PUM2: variants seen among roughly 807,000 people sequenced by gnomAD.
PUM2 encodes pumilio RNA binding family member 2.
A neutral mutation model predicts 124.5 loss-of-function variants in PUM2; 57 were observed. That is an observed-to-expected ratio of 0.46 (90% CI 0.37 to 0.57). The LOEUF (loss-of-function observed/expected upper bound fraction) is 0.57, where lower values mean the gene tolerates loss of function less well. PUM2 is among the 20% of genes least tolerant of loss of function. PUM2 has a pLI of 0.00. For synonymous variants in PUM2, 460 were observed against 446.1 expected (o/e 1.03, Z -0.39); for missense variants, 1,065 against 1,290.6 (o/e 0.83, Z 2.68).
At chr2:20,288,410 G>A (rs1673213939) in intron 10 of PUM2, among the ~76,000 whole-genome samples, 2 of 152,218 alleles carry the variant, frequency 1.3e-5, no homozygotes, top group Non-Finnish European at 1.5e-5. Flanking sequence ...TTATATTAGA[G>A]ATACTGCAAA....
At chr2:20,347,557 C>G (rs1055916784) in intron 1 of PUM2, among the ~76,000 whole-genome samples, 2 of 152,208 alleles carry the variant, frequency 1.3e-5, no homozygotes, top group African/African-American at 4.8e-5. Context: ...TAAATAAAAA[C>G]TGTCTCCTGT....
chr2:20,315,760 C>T (rs959067718), intron 3 of PUM2, among the ~76,000 whole-genome samples: 6 of 142,038 alleles, frequency 4.2e-5, no homozygotes, highest in Non-Finnish European at 7.5e-5. Context: ...CAGGGGTTTG[C>T]GACAAGCCTC....
At chr2:20,277,757 T>TAA (rs1670589652) in intron 13 of PUM2, among the ~76,000 whole-genome samples, 1 of 152,102 alleles carries the variant, frequency 6.6e-6, no homozygotes, top group Non-Finnish European at 1.5e-5. Context: ...TCCAATTACA[T>TAA]AAAAGCTGGC....
In PUM2 at chr2:20,251,612, A is replaced by C; in HGVS notation, c.3168T>G (p.Ile1056Met). 6.2e-7 allele frequency: 1 copy of C among 1,613,666 alleles called. No individual in the cohort carries two copies. Reference sequence around the variant, plus strand: ...ACAGCATTCCATTTGGTGGTCCTCCAATAGGTCCTAGGTCCGGGCTATTCT... The same window carrying C: ...ACAGCATTCCATTTGGTGGTCCTCCCATAGGTCCTAGGTCCGGGCTATTCT... Reference protein sequence around the residue: ...YLKNSPDLGPIGGPPNGML With the variant: ...YLKNSPDLGPMGGPPNGML The change falls in exon 21 of 21, where the codon ATT becomes ATG. Residue 1056 changes from isoleucine (I) to methionine (M), a missense_variant. Coordinates refer to ENST00000361078, the MANE Select transcript of PUM2 (RefSeq NM_015317.5).
In PUM2 at chr2:20,312,375, C is replaced by T; in HGVS notation, c.209G>A (p.Gly70Asp). Residue 70 changes from glycine to aspartate, a missense_variant, in exon 4 of 21, where the codon GGT (glycine) becomes GAT (aspartate). Physicochemically the swap from Gly to Asp is moderately conservative, Grantham distance 94 (BLOSUM62 -1). This residue lies in a region of PUM2 where 90 missense variants were observed against 103.6 expected (regional missense o/e 0.87). Transcript: ENST00000361078. The stretch of plus-strand genomic sequence containing the variant: ...ATTTACTTCACTGTTTCCATGAAAA[C>T]CCTGTCCAGATCTTCTCTGTACCAT... ...PIMVQRRSGQGFHGNSEVNAI... is the reference protein window; with the variant it reads ...PIMVQRRSGQDFHGNSEVNAI... 1.9e-6 allele frequency: 3 copies of T among 1,613,814 alleles called. No individual in the cohort carries two copies. The highest frequency in any genetic ancestry group is 2.5e-6 in the Non-Finnish European group (3 of 1,179,848).
intron 14 of PUM2, 123 bp downstream of exon 14, chr2:20,263,070 A>G: frequency 2.3e-6 from 2 of 857,208 alleles, no homozygotes; most frequent in South Asian, 2.0e-5. Context: ...TATAATCCAT[A>G]TTGAATTTTA....
At chr2:20,264,638 T>G (rs766494120) in intron 13 of PUM2, among the ~76,000 whole-genome samples, 13 of 151,946 alleles carry the variant, frequency 8.6e-5, no homozygotes, top group Non-Finnish European at 1.9e-4. Context: ...GTATAGATAG[T>G]TGTAAAATAC....
chr2:20,279,246 A>G (rs1670946676), intron 12 of PUM2, among the ~76,000 whole-genome samples: 1 of 152,190 alleles, frequency 6.6e-6, no homozygotes, highest in Non-Finnish European at 1.5e-5. Flanking sequence ...AAAAGATTAT[A>G]TGAATAAATA....
chr2:20,315,791 T>C (rs902294512), intron 3 of PUM2, among the ~76,000 whole-genome samples: 21 of 127,624 alleles, frequency 1.6e-4, no homozygotes, highest in Non-Finnish European at 4.7e-5. Flanking sequence ...TGAAACCCCA[T>C]CTCTACCAAA....
At chr2:20,271,382 C>T (rs962074312) in intron 13 of PUM2, among the ~76,000 whole-genome samples, 17 of 152,246 alleles carry the variant, frequency 1.1e-4, no homozygotes, top group South Asian at 4.2e-4. Flanking sequence ...GGCATAACGT[C>T]GGCTTACTGC....
At chr2:20,257,787 A>C (rs935599049) in intron 16 of PUM2, among the ~76,000 whole-genome samples, 5 of 152,172 alleles carry the variant, frequency 3.3e-5, no homozygotes, top group Non-Finnish European at 5.9e-5. Flanking sequence ...AAAAATTATA[A>C]ATTTTTAAAG....
chr2:20,322,858 T>C (rs1000573026), intron 2 of PUM2, among the ~76,000 whole-genome samples: 4 of 152,016 alleles, frequency 2.6e-5, no homozygotes, highest in South Asian at 2.1e-4. Context: ...AAATGAAACA[T>C]AGAGAACAAA....
At chr2:20,314,820 G>A (rs189341275) in intron 3 of PUM2, among the ~76,000 whole-genome samples, 145 of 152,114 alleles carry the variant, frequency 9.5e-4, no homozygotes, top group Middle Eastern at 3.4e-3. Flanking sequence ...TGAGGAATCC[G>A]AGAACAACAC....
intron 3 of PUM2, among the ~76,000 whole-genome samples, chr2:20,315,836 CAAAAA>C (rs60828412): frequency 2.8e-5 from 2 of 72,352 alleles, no homozygotes; most frequent in East Asian, 4.5e-4. Context: ...AACCTGGTCT[CAAAAA>C]AAAAAAAAAA....
intron 13 of PUM2, among the ~76,000 whole-genome samples, chr2:20,272,174 TG>T (rs1669193687): frequency 7.9e-5 from 12 of 151,538 alleles, no homozygotes; most frequent in African/African-American, 2.4e-5. Context: ...AATGAATGAA[TG>T]AATGAATGAA....
At chr2:20,292,802 G>A (rs771782741) in intron 9 of PUM2, among the ~76,000 whole-genome samples, 1 of 152,032 alleles carries the variant, frequency 6.6e-6, no homozygotes, top group Non-Finnish European at 1.5e-5. Flanking sequence ...ATGATGGCAC[G>A]TGCCTGTCAT....
intron 13 of PUM2, among the ~76,000 whole-genome samples, chr2:20,265,221 C>T (rs866354064): frequency 6.7e-6 from 1 of 149,582 alleles, no homozygotes; most frequent in Non-Finnish European, 1.5e-5. Flanking sequence ...CACCGCAGTC[C>T]AGCCTGGGTG....
At chr2:20,279,303 G>A (rs1313573971) in intron 12 of PUM2, among the ~76,000 whole-genome samples, 1 of 152,124 alleles carries the variant, frequency 6.6e-6, no homozygotes, top group African/African-American at 2.4e-5. Flanking sequence ...TCATCTAGCT[G>A]TGTTCAAAAC....
intron 8 of PUM2, among the ~76,000 whole-genome samples, chr2:20,295,610 A>G (rs1675338823): frequency 6.6e-6 from 1 of 152,154 alleles, no homozygotes; most frequent in Non-Finnish European, 1.5e-5. Flanking sequence ...CCGTAAAAAT[A>G]AAACAATGAA....
Sources: allele counts gnomAD v4.1 joint callset (sites outside exome capture counted in the v4.1 genomes callset), GRCh38; gene constraint gnomAD v4.1.1; regional missense constraint gnomAD v4.1.1; transcripts MANE v1.5; gene names NCBI Gene and HGNC (gene_info 2026-07-23, HGNC 2026-07-21).